The following IGF2BP2 variants were observed in gnomAD, a reference collection of about 807,000 sequenced individuals.
IGF2BP2 encodes the protein insulin like growth factor 2 mRNA binding protein 2.
IGF2BP2 carries 17 observed loss-of-function variants against 75.8 expected under a neutral mutation model. The observed-to-expected ratio is 0.22, with a 90% CI of 0.15 to 0.34. The LOEUF (loss-of-function observed/expected upper bound fraction) is 0.34. Ranked by LOEUF, IGF2BP2 falls within the 10% of genes least tolerant of loss-of-function variation. IGF2BP2 has a pLI of 1.00. For synonymous variants in IGF2BP2, 288 were observed against 295.6 expected (o/e 0.97, Z 0.26); for missense variants, 516 against 772.4 (o/e 0.67, Z 3.93).
At chr3:185,696,445 C>G (rs1053615808) in intron 4 of IGF2BP2, 167 bp downstream of exon 4, 8 of 610,488 alleles carry the variant, frequency 1.3e-5, no homozygotes, top group South Asian at 8.8e-5. Flanking sequence ...ACAGATATCT[C>G]TCACATCTAT....
At chr3:185,755,675 C>G (rs941284677) in intron 2 of IGF2BP2, among the ~76,000 whole-genome samples, 1 of 152,224 alleles carries the variant, frequency 6.6e-6, no homozygotes, top group Non-Finnish European at 1.5e-5. Flanking sequence ...TTAAGGATTA[C>G]ATTGGAGCTG....
In IGF2BP2 at chr3:185,684,299, T is replaced by A. The variant is rs372922944; in HGVS notation, c.812+2758A>T. Among the ~76,000 whole-genome samples, 8 of 152,324 alleles carry A rather than the reference T, an allele frequency of 5.3e-5. No homozygotes were observed. The East Asian group carries it at 1.5e-3, about 29-fold the overall frequency. ...GCTCTGTCACCTACACAGGGAGGCATTCTCTGAAACCCCCAAATCCTTGTC... is the reference window on the plus strand; with the variant it reads ...GCTCTGTCACCTACACAGGGAGGCAATCTCTGAAACCCCCAAATCCTTGTC... On this transcript the variant is annotated intron_variant, in intron 7 of 15. Transcript: ENST00000382199.
At chr3:185,698,005 A>G (rs894702619) in intron 3 of IGF2BP2, among the ~76,000 whole-genome samples, 4 of 152,160 alleles carry the variant, frequency 2.6e-5, no homozygotes, top group African/African-American at 4.8e-5. Flanking sequence ...CCAACAAACC[A>G]TGAGATACAA....
chr3:185,685,965 T>C (rs1577965305), intron 7 of IGF2BP2, among the ~76,000 whole-genome samples: 1 of 152,224 alleles, frequency 6.6e-6, no homozygotes, highest in African/African-American at 2.4e-5. Context: ...TTTTATTGTA[T>C]TATCTATTCC....
At chr3:185,677,286 A>G (rs1426900081) in intron 7 of IGF2BP2, among the ~76,000 whole-genome samples, 4 of 151,768 alleles carry the variant, frequency 2.6e-5, no homozygotes, top group Admixed American at 6.6e-5. Flanking sequence ...GTGCCAGAAA[A>G]ACTGGTTTTT....
intron 2 of IGF2BP2, among the ~76,000 whole-genome samples, chr3:185,792,635 C>T (rs1736806555): frequency 1.3e-5 from 2 of 151,700 alleles, no homozygotes; most frequent in South Asian, 2.1e-4. Flanking sequence ...GGCCTGGTGA[C>T]GGGCAACTGT....
chr3:185,734,168 T>C (rs1451159155), intron 2 of IGF2BP2, among the ~76,000 whole-genome samples: 1 of 152,204 alleles, frequency 6.6e-6, no homozygotes, highest in Non-Finnish European at 1.5e-5. Context: ...CCGGCACCTC[T>C]CTCCCTAGCC....
intron 2 of IGF2BP2, among the ~76,000 whole-genome samples, chr3:185,819,757 C>A (rs767824155): frequency 6.6e-6 from 1 of 152,036 alleles, no homozygotes; most frequent in African/African-American, 2.4e-5. Context: ...AGGTACCACA[C>A]AATTTTAACC....
chr3:185,716,864 T>A (rs1725714849), intron 2 of IGF2BP2: 5 of 488,922 alleles, frequency 1.0e-5, no homozygotes, highest in Non-Finnish European at 2.0e-5. Context: ...AGCCCTTACC[T>A]GGTGGCTTGT....
rs540465518 is a variant in IGF2BP2, at chr3:185,799,898, T to C, written c.239+23255A>G. 1.6e-4 allele frequency among the ~76,000 whole-genome samples: 24 copies of C among 152,306 alleles called. 1 individual carries two copies. The highest frequency in any genetic ancestry group is 5.1e-4 in the African/African-American group (21 of 41,576). On this transcript the variant is annotated intron_variant, in intron 2 of 15. Coordinates refer to ENST00000382199, the MANE Select transcript of IGF2BP2 (RefSeq NM_006548.6). ...TTCCTCAAGGATCTAGAACTAGAAA[T>C]GCCATTTGACCCAGCAATCCCATTA...
At chr3:185,756,465 A>G (rs1731633317) in intron 2 of IGF2BP2, among the ~76,000 whole-genome samples, 1 of 152,192 alleles carries the variant, frequency 6.6e-6, no homozygotes, top group African/African-American at 2.4e-5. Context: ...AGGCTTCAAT[A>G]TCCAGTCACT....
chr3:185,750,417 C>T lies in IGF2BP2; in HGVS notation c.240-52070G>A, dbSNP rs538518742. ...AACTCCCCTAGCCTAGGAACCATCT[C>T]GCCTGGAATAACACTTGTCCCATCC... is the stretch of plus-strand genomic sequence containing the variant. On this transcript the variant is annotated intron_variant, in intron 2 of 15. Transcript: ENST00000382199. 9.2e-5 allele frequency among the ~76,000 whole-genome samples: 14 copies of T among 152,292 alleles called. No individual in the cohort carries two copies. In the East Asian group the frequency reaches 2.7e-3, roughly 29 times the overall value.
intron 2 of IGF2BP2, among the ~76,000 whole-genome samples, chr3:185,725,697 T>A (rs1396514676): frequency 3.3e-5 from 5 of 152,196 alleles, no homozygotes; most frequent in Admixed American, 2.6e-4. Flanking sequence ...CTAGGCTGGC[T>A]GTGGTGACTC....
intron 1 of IGF2BP2, among the ~76,000 whole-genome samples, chr3:185,823,821 G>A (rs1334232678): frequency 6.6e-6 from 1 of 151,842 alleles, no homozygotes; most frequent in African/African-American, 2.4e-5. Context: ...CGCGCGGCTG[G>A]GAGCGGAGCG....
intron 3 of IGF2BP2, among the ~76,000 whole-genome samples, chr3:185,697,417 G>GT (rs11437010): frequency 0.35 from 51,191 of 147,968 alleles, 10,310 homozygotes; most frequent in East Asian, 0.64. Flanking sequence ...ATAATCGTGT[G>GT]TTTTTTTTTT....
chr3:185,789,262 A>G (rs913656260), intron 2 of IGF2BP2, among the ~76,000 whole-genome samples: 1 of 152,208 alleles, frequency 6.6e-6, no homozygotes, highest in African/African-American at 2.4e-5. Flanking sequence ...AACTGTTTAC[A>G]GCAGTTCCCT....
At chr3:185,677,044 G>GATGTATATTTATATATATATATATAT (rs1553855666) in intron 7 of IGF2BP2, among the ~76,000 whole-genome samples, 1 of 23,868 alleles carries the variant, frequency 4.2e-5, no homozygotes, top group Non-Finnish European at 6.5e-5. Context: ...TATATATGGA[G>GATGTATATTTATATATATATATATAT]ATATATATAT....
chr3:185,647,369 A>G lies in IGF2BP2; in HGVS notation c.1594-231T>C, dbSNP rs1713759808. On this transcript the variant is annotated intron_variant, in intron 14 of 15. Coordinates refer to ENST00000382199, the MANE Select transcript of IGF2BP2 (RefSeq NM_006548.6). The surrounding 1 kb of genome is among the most constrained non-coding windows in gnomAD (Gnocchi z 4.9). Reference sequence around the variant, plus strand: ...TGACAGGGAGAGGGAGTCCAGCCACAGATTCCTGGGGCTGCTTCTGAGGCG... The same window carrying G: ...TGACAGGGAGAGGGAGTCCAGCCACGGATTCCTGGGGCTGCTTCTGAGGCG... Among the ~76,000 whole-genome samples the G allele has an allele frequency of 6.6e-6, 1 of 152,114 alleles. No individual in the cohort carries two copies. Among genetic ancestry groups the G allele is most frequent in the Non-Finnish European group, 1.5e-5 (1 of 68,014 alleles).
At chr3:185,769,411 A>G (rs574894438) in intron 2 of IGF2BP2, among the ~76,000 whole-genome samples, 3 of 152,054 alleles carry the variant, frequency 2.0e-5, no homozygotes, top group Non-Finnish European at 4.4e-5. Context: ...TTATAAAGAG[A>G]CAGCAAACAC....
Sources: gnomAD v4.1 joint callset for allele counts (sites outside exome capture counted in the v4.1 genomes callset) on GRCh38, gnomAD v4.1.1 for gene constraint, Gnocchi (gnomAD v3.1) non-coding constraint, MANE v1.5 for transcripts, NCBI Gene and HGNC (gene_info 2026-07-23, HGNC 2026-07-21) for gene names.